AKT3: variants seen among roughly 807,000 people sequenced by gnomAD.
AKT3 encodes the protein AKT serine/threonine kinase 3.
A neutral mutation model predicts 65.3 loss-of-function variants in AKT3; 15 were observed. The observed-to-expected ratio is 0.23, with a 90% confidence interval of 0.15 to 0.35. AKT3 has a LOEUF of 0.35. AKT3 is among the 10% of genes least tolerant of loss of function. The pLI is 1.00. For missense variants in AKT3, 243 were observed against 576.5 expected (o/e 0.42, Z 5.92); for synonymous variants, 206 against 183.8 (o/e 1.12, Z -0.98).
At chr1:243,521,388 T>A (rs1158471351) in intron 12 of AKT3, among the ~76,000 whole-genome samples, 1 of 152,232 alleles carries the variant, frequency 6.6e-6, no homozygotes, top group African/African-American at 2.4e-5. Flanking sequence ...TCTGGTTTAT[T>A]TAATCTCTAC....
chr1:243,671,716 G>A lies in AKT3; in HGVS notation c.173-6833C>T, dbSNP rs547598555. On this transcript the variant is annotated intron_variant, in intron 3 of 13. Transcript: ENST00000673466. ...TTCCAAGCACTGCACAAAGAGTGGT[G>A]CATAAATGTTATTCATTTAATCCAA... Among the ~76,000 whole-genome samples the A allele has an allele frequency of 3.3e-5, 5 of 152,290 alleles. No individual in the cohort carries two copies. In the South Asian group the frequency reaches 1.0e-3, roughly 32 times the overall value.
chr1:243,845,368 C>T lies in AKT3; in HGVS notation c.-112-2086G>A, dbSNP rs182803469. ...TTTGTAATCCCAGCACTTTGGGAGG[C>T]CAGGGCAGGAGGATCACTTATGTCC... On this transcript the variant is annotated intron_variant, in intron 1 of 13. Coordinates refer to ENST00000673466, the MANE Select transcript of AKT3 (RefSeq NM_005465.7). Among the ~76,000 whole-genome samples, 51 of 150,556 alleles carry T rather than the reference C, an allele frequency of 3.4e-4. 1 individual carries two copies. The highest frequency in any genetic ancestry group is 3.2e-3 in the East Asian group (16 of 5,058).
intron 2 of AKT3, chr1:243,794,448 G>A (rs1473223333): frequency 2.0e-5 from 3 of 152,174 alleles, no homozygotes; most frequent in African/African-American, 7.2e-5. Flanking sequence ...TAGGATAACT[G>A]CCATTTATAA....
intron 9 of AKT3, among the ~76,000 whole-genome samples, chr1:243,568,951 G>A (rs1429714649): frequency 2.0e-5 from 3 of 152,150 alleles, no homozygotes; most frequent in Non-Finnish European, 4.4e-5. Flanking sequence ...TTAATTAAAC[G>A]ACTGACATTG....
intron 2 of AKT3, among the ~76,000 whole-genome samples, chr1:243,767,251 G>A (rs1038093729): frequency 1.3e-5 from 2 of 152,160 alleles, no homozygotes; most frequent in Non-Finnish European, 2.9e-5. Flanking sequence ...AGCCATGGGA[G>A]ATGAATGTTT....
intron 5 of AKT3, among the ~76,000 whole-genome samples, chr1:243,638,564 T>G (rs1238566358): frequency 6.6e-6 from 1 of 152,162 alleles, no homozygotes; most frequent in Non-Finnish European, 1.5e-5. Context: ...TTTGTGGACT[T>G]GCCTCCTTTT....
Position 243,503,089 on chromosome 1 carries a change from A to G in AKT3, c.*2160T>C, listed in dbSNP as rs1310383772. The G allele has an allele frequency of 4.3e-6, 1 of 233,634 alleles. No individual in the cohort carries two copies. The highest frequency in any genetic ancestry group is 6.0e-5 in the East Asian group (1 of 16,572). The allele number at this position is 233,634 out of a possible 1,614,324, so 14.5% of individuals were successfully genotyped here. The stretch of plus-strand genomic sequence containing the variant: ...TTTTTGTCAAAATGAAACATTCAAC[A>G]TAATTCCAAGTGAAAAAAAAAAGAT... On this transcript the variant is annotated 3_prime_UTR_variant, in exon 14 of 14. Coordinates refer to ENST00000673466, the MANE Select transcript of AKT3 (RefSeq NM_005465.7).
rs189189715 is a variant in AKT3 at position 243,664,964 on chromosome 1, T to C, written c.173-81A>G. The C allele has an allele frequency of 2.7e-3, 1,935 of 711,330 alleles. 5 individuals are homozygous for C. Among genetic ancestry groups the C allele is most frequent in the South Asian group, 3.8e-3 (125 of 33,276 alleles). 44.1% of individuals were successfully genotyped at this position (711,330 alleles called of 1,614,324 possible). A position where few individuals can be genotyped will look rare whatever the true frequency, so the allele number is the denominator to read the frequency against. On this transcript the variant is annotated intron_variant, in intron 3 of 13. Transcript: ENST00000673466. ...AATAATTGAGAACTACAGAGTTCTATTTTAAACAAAACCCAGTGCGAACTC... is the reference window on the plus strand; with the variant it reads ...AATAATTGAGAACTACAGAGTTCTACTTTAAACAAAACCCAGTGCGAACTC...
intron 4 of AKT3, 106 bp downstream of exon 4, chr1:243,664,666 T>A: frequency 5.2e-6 from 2 of 385,162 alleles, no homozygotes; most frequent in Non-Finnish European, 8.5e-6. Context: ...CTATAGCATT[T>A]AAAAAAATAT....
At chr1:243,748,635 T>C (rs1688620458) in intron 2 of AKT3, among the ~76,000 whole-genome samples, 1 of 152,214 alleles carries the variant, frequency 6.6e-6, no homozygotes, top group Non-Finnish European at 1.5e-5. Context: ...CTATTTAGTG[T>C]GATTAAGATA....
intron 2 of AKT3, among the ~76,000 whole-genome samples, chr1:243,784,954 C>T (rs554593587): frequency 6.6e-6 from 1 of 152,146 alleles, no homozygotes; most frequent in African/African-American, 2.4e-5. Context: ...TGTAGAGACA[C>T]AGTCTCACGA....
At chr1:243,843,044 G>GA (rs1435783510) in intron 2 of AKT3, 81 bp downstream of exon 2, 82 of 1,434,872 alleles carry the variant, frequency 5.7e-5, no homozygotes, top group Non-Finnish European at 7.9e-5. Flanking sequence ...AACAGTATCA[G>GA]AAAAAAGATC....
At chr1:243,806,751 T>A (rs1417212946) in intron 2 of AKT3, among the ~76,000 whole-genome samples, 1 of 152,188 alleles carries the variant, frequency 6.6e-6, no homozygotes, top group Non-Finnish European at 1.5e-5. Flanking sequence ...TTAAATTAAA[T>A]CAGTTTTTCA....
At chr1:243,506,361 C>T (rs530767728) in intron 13 of AKT3, among the ~76,000 whole-genome samples, 2 of 152,320 alleles carry the variant, frequency 1.3e-5, no homozygotes, top group East Asian at 3.9e-4. Flanking sequence ...CAAAATAATT[C>T]GATGTCCTCA....
intron 2 of AKT3, among the ~76,000 whole-genome samples, chr1:243,778,496 C>G (rs1212532407): frequency 6.6e-6 from 1 of 152,108 alleles, no homozygotes; most frequent in Non-Finnish European, 1.5e-5. Flanking sequence ...AATTCAGTGT[C>G]ACTAGAATGT....
At chr1:243,773,815 CTT>C (rs1690362599) in intron 2 of AKT3, among the ~76,000 whole-genome samples, 1 of 152,190 alleles carries the variant, frequency 6.6e-6, no homozygotes, top group African/African-American at 2.4e-5. Context: ...AAAAAGTTCT[CTT>C]CTCTATAAAT....
intron 8 of AKT3, among the ~76,000 whole-genome samples, chr1:243,609,602 G>A (rs906357716): frequency 6.6e-6 from 1 of 152,192 alleles, no homozygotes; most frequent in African/African-American, 2.4e-5. Flanking sequence ...AAGTTGCAGT[G>A]AGCCGAGATT....
At chr1:243,581,042 C>A (rs543790858) in intron 8 of AKT3, among the ~76,000 whole-genome samples, 23 of 152,276 alleles carry the variant, frequency 1.5e-4, no homozygotes, top group African/African-American at 5.5e-4. Context: ...CACCTACTCT[C>A]CTGGACTAGA....
intron 2 of AKT3, among the ~76,000 whole-genome samples, chr1:243,748,726 A>G (rs1688624321): frequency 6.6e-6 from 1 of 152,178 alleles, no homozygotes; most frequent in Non-Finnish European, 1.5e-5. Flanking sequence ...TCATGAGAAT[A>G]TTCTCTCAAA....
Sources: allele counts gnomAD v4.1 joint callset (sites outside exome capture counted in the v4.1 genomes callset), GRCh38; gene constraint gnomAD v4.1.1; transcripts MANE v1.5; gene names NCBI Gene and HGNC (gene_info 2026-07-23, HGNC 2026-07-21).